Variants in ANP32B observed in about 807,000 individuals in gnomAD.
The protein encoded by ANP32B is acidic nuclear phosphoprotein 32 family member B.
Under a neutral mutation model 32.2 loss-of-function variants are expected in ANP32B, and 6 were observed. The ratio of observed to expected loss-of-function variants is 0.19; its 90% CI spans 0.10 to 0.37. The LOEUF (loss-of-function observed/expected upper bound fraction) is 0.37, where lower values mean the gene tolerates loss of function less well. Ranked by LOEUF, ANP32B falls within the 10% of genes least tolerant of loss-of-function variation. ANP32B has a pLI of 1.00. For synonymous variants in ANP32B, 98 were observed against 105.8 expected (o/e 0.93, Z 0.45); for missense variants, 204 against 289.2 (o/e 0.71, Z 2.14).
chr9:98,015,298 C>T lies in ANP32B; in HGVS notation c.689-66C>T, dbSNP rs567686357. ...GTCAAAAACTTTGTTGTTGTTGCCT[C>T]CATTGGCAATAATCTAAGCAAAATG... is the stretch of plus-strand genomic sequence containing the variant. On this transcript the variant is annotated intron_variant, in intron 6 of 6. Transcript: ENST00000339399. 1.3e-4 allele frequency: 206 copies of T among 1,535,310 alleles called. 1 individual carries two copies. The highest frequency in any genetic ancestry group is 2.2e-5 in the Non-Finnish European group (25 of 1,138,762).
intron 1 of ANP32B, among the ~76,000 whole-genome samples, chr9:97,990,639 T>C (rs1338135691): frequency 6.6e-6 from 1 of 152,120 alleles, no homozygotes; most frequent in Non-Finnish European, 1.5e-5. Context: ...CTCTTACTGG[T>C]AGAGGCAATT....
chr9:98,006,981 C>G (rs890597050), intron 4 of ANP32B, among the ~76,000 whole-genome samples: 8 of 151,764 alleles, frequency 5.3e-5, no homozygotes, highest in African/African-American at 1.9e-4. Flanking sequence ...GAGCAAGACT[C>G]CATCTCAAAA....
Position 97,995,492 on chromosome 9 carries a change from G to A in ANP32B, c.204+712G>A, listed in dbSNP as rs1827889350. Among the ~76,000 whole-genome samples the A allele has an allele frequency of 2.0e-5, 3 of 152,216 alleles. No individual in the cohort carries two copies. The East Asian group carries it at 5.8e-4, about 29-fold the overall frequency. On this transcript the variant is annotated intron_variant, in intron 2 of 6. Transcript: ENST00000339399. ...CTTTATTTAAACTAAGGCACACGTA[G>A]AAGGAAACTAATCAAACTTGGGCAA...
At chr9:97,995,580 G>GGTTT (rs956610740) in intron 2 of ANP32B, among the ~76,000 whole-genome samples, 8 of 152,030 alleles carry the variant, frequency 5.3e-5, no homozygotes, top group East Asian at 3.8e-4. Flanking sequence ...TTGGTATTGG[G>GGTTT]GTTTGTTTGT....
intron 1 of ANP32B, 33 bp downstream of exon 1, chr9:97,983,642 C>G (rs538639728): frequency 4.0e-6 from 6 of 1,518,900 alleles, no homozygotes; most frequent in Middle Eastern, 1.7e-4. Context: ...GCCCTCTCCC[C>G]CGATGACTTG....
rs1209952423 is a variant in ANP32B, at chr9:98,015,841, A to AATT, written c.*423_*425dup. 27 of 964,664 alleles carry AATT rather than the reference A, an allele frequency of 2.8e-5. No individual in the cohort carries two copies. Among genetic ancestry groups the AATT allele is most frequent in the Admixed American group, 6.2e-5 (1 of 16,198 alleles). The allele number at this position is 964,664 out of a possible 1,614,324, so 59.8% of individuals were successfully genotyped here. On this transcript the variant is annotated 3_prime_UTR_variant, in exon 7 of 7. Coordinates refer to ENST00000339399, the MANE Select transcript of ANP32B (RefSeq NM_006401.3). ...TCTGTTTTTTCATGCTTTGCTTTTT[A>AATT]ATTATTATTATTATTTTTTTTACAT...
intron 1 of ANP32B, among the ~76,000 whole-genome samples, chr9:97,992,238 C>G (rs915942700): frequency 6.6e-6 from 1 of 152,194 alleles, no homozygotes; most frequent in East Asian, 1.9e-4. Flanking sequence ...TACAGGCACA[C>G]GCCACCATGC....
intron 4 of ANP32B, among the ~76,000 whole-genome samples, chr9:98,006,646 A>T (rs925938533): frequency 6.6e-6 from 1 of 152,200 alleles, no homozygotes; most frequent in Admixed American, 6.5e-5. Flanking sequence ...CTCCAAGCCC[A>T]CTTTGTATAA....
chr9:98,011,252 C>T lies in ANP32B; in HGVS notation c.518-19C>T. Reference sequence around the variant, plus strand: ...GAGCGTCGAGGATATTTAATGAATCCCTTTTGGACTATTTTTAGAAGGAGA... The same window carrying T: ...GAGCGTCGAGGATATTTAATGAATCTCTTTTGGACTATTTTTAGAAGGAGA... On this transcript the variant is annotated intron_variant, in intron 4 of 6. Coordinates refer to ENST00000339399, the MANE Select transcript of ANP32B (RefSeq NM_006401.3). 2 of 1,549,852 alleles carry T rather than the reference C, an allele frequency of 1.3e-6. No homozygotes were observed. The highest frequency in any genetic ancestry group is 1.7e-6 in the Non-Finnish European group (2 of 1,146,226).
At chr9:98,001,904 T>A (rs1386643238) in intron 3 of ANP32B, among the ~76,000 whole-genome samples, 1 of 152,104 alleles carries the variant, frequency 6.6e-6, no homozygotes. Context: ...GCCCTTGTTT[T>A]ATATTGAGGA....
At chr9:97,992,627 A>G (rs1827846998) in intron 1 of ANP32B, among the ~76,000 whole-genome samples, 1 of 152,218 alleles carries the variant, frequency 6.6e-6, no homozygotes. Context: ...AACTCTCCCA[A>G]GCTAAATGGG....
chr9:97,998,025 C>T (rs996353264), intron 2 of ANP32B, among the ~76,000 whole-genome samples: 8 of 152,204 alleles, frequency 5.3e-5, no homozygotes, highest in Admixed American at 2.6e-4. Flanking sequence ...GGTTATGAAG[C>T]TTCTTTATGG....
At chr9:97,995,086 C>T (rs918728543) in intron 2 of ANP32B, among the ~76,000 whole-genome samples, 10 of 152,192 alleles carry the variant, frequency 6.6e-5, no homozygotes, top group Non-Finnish European at 1.0e-4. Context: ...AGAATAATTA[C>T]TGTGTTGAGT....
intron 1 of ANP32B, among the ~76,000 whole-genome samples, chr9:97,993,942 A>G (rs538921763): frequency 6.6e-6 from 1 of 152,270 alleles, no homozygotes; most frequent in African/African-American, 2.4e-5. Flanking sequence ...CAGATGTGAT[A>G]CTCTTGGATG....
At chr9:97,997,133 A>G (rs918473687) in intron 2 of ANP32B, among the ~76,000 whole-genome samples, 2 of 152,242 alleles carry the variant, frequency 1.3e-5, no homozygotes, top group African/African-American at 2.4e-5. Flanking sequence ...GGTCTAAAAC[A>G]TGGGTTAAGA....
chr9:97,984,730 C>T (rs1340357743), intron 1 of ANP32B: 1 of 150,370 alleles, frequency 6.7e-6, no homozygotes, highest in Non-Finnish European at 1.5e-5. Context: ...TTGGCTCCCA[C>T]TGGCGGGAGC....
At chr9:98,006,951 G>A (rs1828095441) in intron 4 of ANP32B, among the ~76,000 whole-genome samples, 1 of 151,910 alleles carries the variant, frequency 6.6e-6, no homozygotes, top group African/African-American at 2.4e-5. Context: ...TTGTGCCGCT[G>A]TGCTTTAGCC....
intron 1 of ANP32B, chr9:97,984,563 A>C (rs1827669863): frequency 7.2e-6 from 1 of 138,612 alleles, no homozygotes; most frequent in African/African-American, 2.8e-5. Flanking sequence ...GGGGCGCGCC[A>C]CAGGCCGCCG....
rs139156883 is a variant in ANP32B at position 98,002,855 on chromosome 9, A to G, written c.328-2109A>G. 2.4e-4 allele frequency among the ~76,000 whole-genome samples: 37 copies of G among 152,334 alleles called. No individual in the cohort carries two copies. The East Asian group carries it at 6.6e-3, about 27-fold the overall frequency. On this transcript the variant is annotated intron_variant, in intron 3 of 6. Transcript: ENST00000339399. ...AGGTTGTATGTGTTTTTGTGCACCTATTTCTAGGAAATAATTCTGAAATAT... is the reference window on the plus strand; with the variant it reads ...AGGTTGTATGTGTTTTTGTGCACCTGTTTCTAGGAAATAATTCTGAAATAT...
Sources: gnomAD v4.1 joint callset for allele counts (sites outside exome capture counted in the v4.1 genomes callset) on GRCh38, gnomAD v4.1.1 for gene constraint, MANE v1.5 for transcripts, NCBI Gene and HGNC (gene_info 2026-07-23, HGNC 2026-07-21) for gene names.